Variants in TRAK2 observed in about 807,000 individuals in gnomAD.
TRAK2 encodes the protein trafficking kinesin protein 2, also known as trafficking kinesin-binding protein 2.
In TRAK2, 81 loss-of-function variants were observed where a neutral mutation model predicts 104.6. The observed-to-expected ratio is 0.77, with a 90% CI of 0.65 to 0.93. The LOEUF (loss-of-function observed/expected upper bound fraction) is 0.93, where lower values mean the gene tolerates loss of function less well. TRAK2 is among the 40% of genes least tolerant of loss of function. The probability of loss-of-function intolerance (pLI) is 0.00; values close to 1 mark genes in which losing one functional copy is unlikely to be tolerated. For missense variants in TRAK2, 1,002 were observed against 1,089.0 expected (o/e 0.92, Z 1.12); for synonymous variants, 406 against 394.4 (o/e 1.03, Z -0.35).
At chr2:201,407,360 ATTACT>A (rs1416302347) in intron 3 of TRAK2, 38 bp downstream of exon 3, 2 of 1,534,404 alleles carry the variant, frequency 1.3e-6, no homozygotes, top group Non-Finnish European at 1.8e-6. Flanking sequence ...ACCCATGATC[ATTACT>A]TTAATGCACA....
At position 201,448,834 on chromosome 2, in the gene TRAK2, C is replaced by T. The variant is rs530683179; in HGVS notation, c.-200+2516G>A. Among the ~76,000 whole-genome samples the T allele has an allele frequency of 9.2e-5, 14 of 152,262 alleles. No homozygotes were observed. In the South Asian group the frequency reaches 2.9e-3, roughly 32 times the overall value. Reference sequence around the variant, plus strand: ...CGCTCAAGGGATCCTTTGATCTCAGCTGGCACTACAGGCACAAACAACCAC... The same window carrying T: ...CGCTCAAGGGATCCTTTGATCTCAGTTGGCACTACAGGCACAAACAACCAC... On this transcript the variant is annotated intron_variant, in intron 1 of 15. Transcript: ENST00000332624.
chr2:201,449,311 T>C (rs1160674696), intron 1 of TRAK2, among the ~76,000 whole-genome samples: 1 of 152,220 alleles, frequency 6.6e-6, no homozygotes, highest in African/African-American at 2.4e-5. Context: ...TTACCTGATC[T>C]GTGACTTGGA....
intron 7 of TRAK2, among the ~76,000 whole-genome samples, chr2:201,397,251 T>C (rs1252788633): frequency 6.6e-6 from 1 of 152,178 alleles, no homozygotes; most frequent in East Asian, 1.9e-4. Flanking sequence ...CACTCTAACA[T>C]GCTATAACTT....
At chr2:201,405,731 T>A (rs1229320276) in intron 3 of TRAK2, among the ~76,000 whole-genome samples, 1 of 152,228 alleles carries the variant, frequency 6.6e-6, no homozygotes, top group Non-Finnish European at 1.5e-5. Flanking sequence ...ACGCCTGTAA[T>A]CCCAGCACTC....
rs1559438435 is a variant in TRAK2, at chr2:201,389,470, C to T, written c.1227G>A (p.Arg409=). Residue 409 remains arginine, a synonymous_variant, in exon 12 of 16, where the codon AGG becomes AGA. Transcript: ENST00000332624. ...AGCGGCCCCGTGTGTCATTGGCAATCCTGACGGTATCAAATACCCGCTTCT... is the reference window on the plus strand; with the variant it reads ...AGCGGCCCCGTGTGTCATTGGCAATTCTGACGGTATCAAATACCCGCTTCT... The part of the protein sequence containing the change: ...AQQKRVFDTV[R]IANDTRGRSI... 6.2e-7 allele frequency: 1 copy of T among 1,614,090 alleles called. No homozygotes were observed. The highest frequency in any genetic ancestry group is 1.3e-5 in the African/African-American group (1 of 75,018).
intron 1 of TRAK2, among the ~76,000 whole-genome samples, chr2:201,430,846 C>T (rs112709286): frequency 0.046 from 6,997 of 152,292 alleles, 277 homozygotes; most frequent in African/African-American, 0.1. Flanking sequence ...CAACAAGCCC[C>T]AGTGAGATGA....
intron 1 of TRAK2, among the ~76,000 whole-genome samples, chr2:201,436,654 T>C (rs1951881877): frequency 6.6e-6 from 1 of 152,202 alleles, no homozygotes; most frequent in Non-Finnish European, 1.5e-5. Flanking sequence ...CTCTTTGTCC[T>C]CTCTAACAAT....
chr2:201,446,515 C>G (rs1017778627), intron 1 of TRAK2, among the ~76,000 whole-genome samples: 1 of 152,206 alleles, frequency 6.6e-6, no homozygotes, highest in Non-Finnish European at 1.5e-5. Context: ...ATGCCTCTTA[C>G]AGCAAACATA....
At chr2:201,408,364 G>A (rs748593308) in intron 2 of TRAK2, among the ~76,000 whole-genome samples, 23 of 151,848 alleles carry the variant, frequency 1.5e-4, no homozygotes, top group Non-Finnish European at 3.4e-4. Flanking sequence ...CCATGTGCAG[G>A]TTTGTTATGT....
chr2:201,419,582 A>C (rs998255213), intron 2 of TRAK2: 1 of 154,376 alleles, frequency 6.5e-6, no homozygotes, highest in African/African-American at 2.4e-5. Context: ...ATCTCTGTAC[A>C]AGGGAACTTT....
chr2:201,387,594 A>T (rs1404175512), intron 13 of TRAK2, 109 bp downstream of exon 13: 1 of 1,170,460 alleles, frequency 8.5e-7, no homozygotes, highest in Non-Finnish European at 1.2e-6. Context: ...AGGGATAAAA[A>T]GATCATCTGC....
At chr2:201,430,630 G>T (rs12995272) in intron 1 of TRAK2, among the ~76,000 whole-genome samples, 193 of 152,362 alleles carry the variant, frequency 1.3e-3, no homozygotes, top group African/African-American at 4.5e-3. Context: ...CTCTGAGCCA[G>T]GCATGGGATA....
chr2:201,391,495 A>C (rs1951447896), intron 10 of TRAK2, among the ~76,000 whole-genome samples: 1 of 152,236 alleles, frequency 6.6e-6, no homozygotes, highest in South Asian at 2.1e-4. Flanking sequence ...AGTGGGTAAT[A>C]GTTTGATGAG....
At chr2:201,411,406 G>T (rs6759993) in intron 2 of TRAK2, 42,672 of 746,414 alleles carry the variant, frequency 0.057, 3,476 homozygotes, top group East Asian at 0.27. Context: ...TCAATTTGCT[G>T]ATTCCCAATA....
chr2:201,406,184 C>T (rs1576517983), intron 3 of TRAK2, among the ~76,000 whole-genome samples: 1 of 152,212 alleles, frequency 6.6e-6, no homozygotes, highest in East Asian at 1.9e-4. Flanking sequence ...ATATTAAGGA[C>T]AAAAACACAA....
Position 201,378,398 on chromosome 2 carries a change from C to T in TRAK2, c.*2145G>A, listed in dbSNP as rs890304967. The stretch of plus-strand genomic sequence containing the variant: ...AATACACATAAATCGGACAATTTAA[C>T]GTTGTACTACTCTCTGGCCCTACAG... On this transcript the variant is annotated 3_prime_UTR_variant, in exon 16 of 16. Coordinates refer to ENST00000332624, the MANE Select transcript of TRAK2 (RefSeq NM_015049.3). The T allele has an allele frequency of 1.3e-5, 2 of 152,136 alleles. No homozygotes were observed. The highest frequency in any genetic ancestry group is 4.8e-5 in the African/African-American group (2 of 41,420). 9.4% of individuals were successfully genotyped at this position (152,136 alleles called of 1,614,324 possible).
At chr2:201,405,050 T>C (rs2714488) in intron 3 of TRAK2, among the ~76,000 whole-genome samples, 44,252 of 152,172 alleles carry the variant, frequency 0.29, 6,752 homozygotes, top group Admixed American at 0.38. Flanking sequence ...CTCCCAAGAA[T>C]TGTACAAAGC....
rs1951328229 is a variant in TRAK2 at position 201,380,436 on chromosome 2, C to G, written c.*107G>C. ...CCATTCCCCCTTTCACATTCACAACCCTTGTGCAACATTCCTTTTCTCTCA... is the reference window on the plus strand; with the variant it reads ...CCATTCCCCCTTTCACATTCACAACGCTTGTGCAACATTCCTTTTCTCTCA... On this transcript the variant is annotated 3_prime_UTR_variant, in exon 16 of 16. Coordinates refer to ENST00000332624, the MANE Select transcript of TRAK2 (RefSeq NM_015049.3). 2.6e-6 allele frequency: 3 copies of G among 1,173,200 alleles called. No individual in the cohort carries two copies. Among genetic ancestry groups the G allele is most frequent in the South Asian group, 1.5e-5 (1 of 64,650 alleles). 72.7% of individuals were successfully genotyped at this position (1,173,200 alleles called of 1,614,324 possible).
chr2:201,430,919 T>C (rs528821105), intron 1 of TRAK2, among the ~76,000 whole-genome samples: 7 of 152,364 alleles, frequency 4.6e-5, no homozygotes, highest in African/African-American at 1.4e-4. Flanking sequence ...CGCTGGAAGC[T>C]GTAGACTGGT....
Sources: gnomAD v4.1 joint callset for allele counts (sites outside exome capture counted in the v4.1 genomes callset) on GRCh38, gnomAD v4.1.1 for gene constraint, MANE v1.5 for transcripts, NCBI Gene and HGNC (gene_info 2026-07-23, HGNC 2026-07-21) for gene names.